The following PDS5A variants were observed in gnomAD, a reference collection of about 807,000 sequenced individuals.
The protein encoded by PDS5A is sister chromatid cohesion protein PDS5 homolog A.
A neutral mutation model predicts 167.1 loss-of-function variants in PDS5A; 42 were observed. That is an observed-to-expected ratio of 0.25 (90% CI 0.20 to 0.33). The LOEUF is 0.33. Ranked by LOEUF, PDS5A falls within the 10% of genes least tolerant of loss-of-function variation. The pLI is 1.00. For missense variants in PDS5A, 1,033 were observed against 1,605.9 expected (o/e 0.64, Z 6.10); for synonymous variants, 553 against 554.6 (o/e 1.00, Z 0.04).
chr4:39,860,346 T>G (rs1045313866), intron 26 of PDS5A, among the ~76,000 whole-genome samples: 2 of 152,046 alleles, frequency 1.3e-5, no homozygotes, highest in East Asian at 3.9e-4. Flanking sequence ...ACGTCTGTAG[T>G]GCTAACTCCT....
At chr4:39,930,812 A>G (rs1028507625) in intron 2 of PDS5A, among the ~76,000 whole-genome samples, 14 of 152,210 alleles carry the variant, frequency 9.2e-5, no homozygotes, top group Admixed American at 7.9e-4. Flanking sequence ...AGGAATCATA[A>G]CGGAAATGAG....
intron 10 of PDS5A, among the ~76,000 whole-genome samples, chr4:39,909,220 G>C (rs1723680410): frequency 6.6e-6 from 1 of 151,708 alleles, no homozygotes; most frequent in African/African-American, 2.4e-5. Flanking sequence ...CCGCCGCCCA[G>C]GTTCAAGCAA....
chr4:39,930,246 A>AAATTTTTT, intron 2 of PDS5A, among the ~76,000 whole-genome samples: 7 of 93,086 alleles, frequency 7.5e-5, no homozygotes, highest in Non-Finnish European at 1.1e-4. Flanking sequence ...AAAAAAAAAA[A>AAATTTTTT]GTTTTTTTGT....
At chr4:39,929,516 AAACTATATATAT>A in intron 2 of PDS5A, among the ~76,000 whole-genome samples, 1 of 45,904 alleles carries the variant, frequency 2.2e-5, no homozygotes, top group South Asian at 7.4e-4. Flanking sequence ...AATACTTAAT[AAACTATATATAT>A]ATATATATAT....
intron 32 of PDS5A, among the ~76,000 whole-genome samples, chr4:39,829,678 G>A (rs1172530795): frequency 2.0e-5 from 3 of 148,386 alleles, no homozygotes; most frequent in Non-Finnish European, 3.0e-5. Flanking sequence ...CCGGCCAGGC[G>A]CGGTGGCTCA....
chr4:39,916,931 T>C (rs867505310), intron 8 of PDS5A, 117 bp downstream of exon 8: 1 of 496,960 alleles, frequency 2.0e-6, no homozygotes, highest in Non-Finnish European at 3.5e-6. Context: ...AGAAAAATTA[T>C]GCGGTATACA....
chr4:39,892,946 A>G (rs1474536280), intron 16 of PDS5A, among the ~76,000 whole-genome samples: 2 of 152,374 alleles, frequency 1.3e-5, no homozygotes, highest in East Asian at 3.8e-4. Context: ...TAGGCCACAT[A>G]TAAAATTTCA....
At chr4:39,908,737 A>T (rs1723609749) in intron 10 of PDS5A, 197 bp from the exon 11 acceptor site, 1 of 544,520 alleles carries the variant, frequency 1.8e-6, no homozygotes, top group African/African-American at 1.9e-5. Flanking sequence ...TTAAACTCCC[A>T]AGTTGGCCAG....
rs904412603 is a variant in PDS5A, at chr4:39,913,811, A to G, written c.877-85T>C. On this transcript the variant is annotated intron_variant, in intron 8 of 32. Transcript: ENST00000303538. ...CTTGAAACATTCTCAAGAAGATACT[A>G]TTTCATATTTCTGCTTATAACTGTG... 1.2e-5 allele frequency: 9 copies of G among 769,722 alleles called. No individual in the cohort carries two copies. In the African/African-American group the frequency reaches 1.2e-4, roughly 10 times the overall value. 47.7% of individuals were successfully genotyped at this position (769,722 alleles called of 1,614,324 possible).
At chr4:39,972,674 CTTT>C (rs35374040) in intron 2 of PDS5A, among the ~76,000 whole-genome samples, 1 of 144,448 alleles carries the variant, frequency 6.9e-6, no homozygotes. Context: ...CACAACTTTC[CTTT>C]TTTTTTTTTT....
intron 16 of PDS5A, among the ~76,000 whole-genome samples, chr4:39,895,288 G>A (rs752794164): frequency 6.6e-6 from 1 of 151,594 alleles, no homozygotes; most frequent in Non-Finnish European, 1.5e-5. Flanking sequence ...AAACCTAAAT[G>A]GTATAGCGTA....
intron 2 of PDS5A, among the ~76,000 whole-genome samples, chr4:39,969,894 A>C (rs1217801696): frequency 6.6e-6 from 1 of 151,906 alleles, no homozygotes; most frequent in Non-Finnish European, 1.5e-5. Flanking sequence ...GAAGCTAAAG[A>C]GACAAACCAA....
At position 39,922,767 on chromosome 4, in the gene PDS5A, A is replaced by AG; in HGVS notation, c.528-20_528-19insC. On this transcript the variant is annotated intron_variant, in intron 5 of 32. Transcript: ENST00000303538. ...GCTATTGCTATAAAAAAAAAAAAAAAAGAATAAGTAGTAGGAGGAGGAAAA... is the reference window on the plus strand; with the variant it reads ...GCTATTGCTATAAAAAAAAAAAAAAAGAGAATAAGTAGTAGGAGGAGGAAAA... The AG allele has an allele frequency of 6.8e-7, 1 of 1,460,144 alleles. No homozygotes were observed. The highest frequency in any genetic ancestry group is 1.5e-5 in the South Asian group (1 of 65,194). 90.4% of individuals were successfully genotyped at this position (1,460,144 alleles called of 1,614,324 possible). A position where few individuals can be genotyped will look rare whatever the true frequency, so the allele number is the denominator to read the frequency against.
intron 2 of PDS5A, among the ~76,000 whole-genome samples, chr4:39,929,022 T>C (rs533684957): frequency 1.3e-5 from 2 of 152,278 alleles, no homozygotes; most frequent in East Asian, 3.9e-4. Flanking sequence ...ATTCACATTT[T>C]TGTGTACTTT....
intron 21 of PDS5A, among the ~76,000 whole-genome samples, chr4:39,869,816 T>C (rs1317129730): frequency 1.3e-5 from 2 of 152,052 alleles, no homozygotes; most frequent in Admixed American, 6.6e-5. Flanking sequence ...CTAGAAAAAC[T>C]GGATATTCAG....
Position 39,961,450 on chromosome 4 carries a change from G to A in PDS5A, c.138+14990C>T, listed in dbSNP as rs894036482. ...TTTTTTTTGTATTTTTGGTAGAGAC[G>A]GGGTTTCGCCATGTTGGCCAGGCTG... On this transcript the variant is annotated intron_variant, in intron 2 of 32. Coordinates refer to ENST00000303538, the MANE Select transcript of PDS5A (RefSeq NM_001100399.2). Among the ~76,000 whole-genome samples the A allele has an allele frequency of 3.3e-5, 5 of 152,100 alleles. No homozygotes were observed. The South Asian group carries it at 6.2e-4, about 19-fold the overall frequency.
At position 39,841,952 on chromosome 4, in the gene PDS5A, T is replaced by C; in HGVS notation, c.3653A>G (p.Asn1218Ser). 6.5e-7 allele frequency: 1 copy of C among 1,538,204 alleles called. No individual in the cohort carries two copies. The highest frequency in any genetic ancestry group is 9.0e-7 in the Non-Finnish European group (1 of 1,112,624). ...TTGTTAAATTTTAAAATTTACCTTA[T>C]TCTTTACTGGGTCAATATTCTTTAC... The part of the protein sequence containing the change: ...TPVKNIDPVK[N>S]KEINSDQATQ... The change falls in exon 31 of 33, where the codon AAT becomes AGT. Residue 1218 changes from asparagine (N) to serine (S), a missense_variant. Asn to Ser is a conservative substitution (Grantham distance 46). Coordinates refer to ENST00000303538, the MANE Select transcript of PDS5A (RefSeq NM_001100399.2).
chr4:39,879,746 T>G lies in PDS5A; in HGVS notation c.1974A>C (p.Ser658=). 6.2e-7 allele frequency: 1 copy of G among 1,605,526 alleles called. No individual in the cohort carries two copies. Among genetic ancestry groups the G allele is most frequent in the South Asian group, 1.1e-5 (1 of 90,894 alleles). The change falls in exon 18 of 33, where the codon TCA becomes TCC. Residue 658 remains serine, a synonymous_variant. Coordinates refer to ENST00000303538, the MANE Select transcript of PDS5A (RefSeq NM_001100399.2). ...EGVSPDTAIR[S]GLELLKVLSF... ...AAAATACCTTAAGAAGTTCAAGTCC[T>G]GAACGGATAGCTGTATCTGGACTTA...
intron 2 of PDS5A, 71 bp downstream of exon 2, chr4:39,976,369 T>A (rs1355724863): frequency 2.2e-5 from 29 of 1,342,340 alleles, no homozygotes; most frequent in Non-Finnish European, 2.8e-5. Flanking sequence ...AAGGCCAGAC[T>A]GAGCAGGGTA....
Sources: gnomAD v4.1 joint callset for allele counts (sites outside exome capture counted in the v4.1 genomes callset) on GRCh38, gnomAD v4.1.1 for gene constraint, MANE v1.5 for transcripts, NCBI Gene and HGNC (gene_info 2026-07-23, HGNC 2026-07-21) for gene names.